The following CDH12 variants were observed in gnomAD, a reference collection of about 807,000 sequenced individuals.
CDH12 encodes cadherin 12.
In CDH12, 41 loss-of-function variants were observed where a neutral mutation model predicts 74.1. That is an observed-to-expected ratio of 0.55 (90% CI 0.43 to 0.72). The LOEUF (loss-of-function observed/expected upper bound fraction) is 0.72. Ranked by LOEUF, CDH12 falls within the 30% of genes least tolerant of loss-of-function variation. The pLI, the probability that CDH12 is intolerant of heterozygous loss-of-function variation, is 0.00. For synonymous variants in CDH12, 399 were observed against 355.0 expected, an observed-to-expected ratio of 1.12 and a Z score of -1.39; for missense variants, 945 against 977.2, an observed-to-expected ratio of 0.97 and a Z score of 0.44.
intron 1 of CDH12, among the ~76,000 whole-genome samples, chr5:22,850,912 T>A (rs1202480537): frequency 6.6e-6 from 1 of 151,980 alleles, no homozygotes. Flanking sequence ...GAGGCAAGAG[T>A]GACATATATC....
intron 1 of CDH12, among the ~76,000 whole-genome samples, chr5:22,612,303 T>C (rs1448119832): frequency 6.6e-6 from 1 of 152,148 alleles, no homozygotes; most frequent in Non-Finnish European, 1.5e-5. Flanking sequence ...TCTTAGGTAG[T>C]GTAAACATGT....
At chr5:22,162,922 A>G (rs1748450466) in intron 4 of CDH12, among the ~76,000 whole-genome samples, 1 of 117,592 alleles carries the variant, frequency 8.5e-6, no homozygotes. Context: ...TTTGAGACAG[A>G]GTCTCGCTCT....
At chr5:21,889,852 T>C in intron 6 of CDH12, 1 of 985,320 alleles carries the variant, frequency 1.0e-6, no homozygotes, top group Non-Finnish European at 1.2e-6. Context: ...CTCTTTGTGT[T>C]AGCATCAGAG....
chr5:22,338,308 A>G (rs1336810392), intron 3 of CDH12, among the ~76,000 whole-genome samples: 1 of 152,180 alleles, frequency 6.6e-6, no homozygotes, highest in Non-Finnish European at 1.5e-5. Context: ...TATTAGGTGA[A>G]ATAAGCTGGT....
At chr5:22,132,860 C>A (rs1157725528) in intron 4 of CDH12, among the ~76,000 whole-genome samples, 4 of 152,162 alleles carry the variant, frequency 2.6e-5, no homozygotes, top group African/African-American at 7.2e-5. Flanking sequence ...CTAACTGAAC[C>A]AAATTCCAAG....
chr5:22,776,777 C>A (rs914438896), intron 1 of CDH12, among the ~76,000 whole-genome samples: 2 of 149,476 alleles, frequency 1.3e-5, no homozygotes, highest in Non-Finnish European at 3.0e-5. Context: ...CAGAATGGTT[C>A]TTTCTTTATT....
At chr5:22,457,924 T>C (rs950848082) in intron 2 of CDH12, among the ~76,000 whole-genome samples, 2 of 152,102 alleles carry the variant, frequency 1.3e-5, no homozygotes, top group African/African-American at 4.8e-5. Context: ...TTTGTAATTT[T>C]AGTAAAGACG....
chr5:21,986,870 T>C (rs1049576083), intron 5 of CDH12, among the ~76,000 whole-genome samples: 4 of 152,124 alleles, frequency 2.6e-5, no homozygotes, highest in Non-Finnish European at 4.4e-5. Context: ...AAATGCCTTA[T>C]AAGTTTTATT....
Position 21,842,142 on chromosome 5 carries a change from A to G in CDH12, c.814+19T>C, listed in dbSNP as rs1749900724. 1 of 1,590,424 alleles carries G rather than the reference A, an allele frequency of 6.3e-7. No individual in the cohort carries two copies. Among genetic ancestry groups the G allele is most frequent in the Non-Finnish European group, 8.6e-7 (1 of 1,168,286 alleles). On this transcript the variant is annotated intron_variant, in intron 8 of 14. Transcript: ENST00000382254. Reference sequence around the variant, plus strand: ...TTTTAAACCGCAATAATTTAGGCTTAACAGGAAAGGTGACATACTTTTGGG... The same window carrying G: ...TTTTAAACCGCAATAATTTAGGCTTGACAGGAAAGGTGACATACTTTTGGG...
intron 2 of CDH12, among the ~76,000 whole-genome samples, chr5:22,494,664 G>T (rs1747028224): frequency 6.6e-6 from 1 of 152,198 alleles, no homozygotes; most frequent in Non-Finnish European, 1.5e-5. Flanking sequence ...GAATAAAGCT[G>T]CAGTTTCCAA....
chr5:21,954,477 C>CT (rs1756005507), intron 6 of CDH12, among the ~76,000 whole-genome samples: 1 of 152,066 alleles, frequency 6.6e-6, no homozygotes, highest in Non-Finnish European at 1.5e-5. Context: ...CCCATCCTGA[C>CT]TTTATTCTTT....
At chr5:21,915,706 T>C (rs1754054305) in intron 6 of CDH12, among the ~76,000 whole-genome samples, 1 of 151,582 alleles carries the variant, frequency 6.6e-6, no homozygotes, top group South Asian at 2.1e-4. Flanking sequence ...ATGGGGAAAA[T>C]GAGTAATGGT....
chr5:22,067,637 G>A (rs1245313261), intron 5 of CDH12, among the ~76,000 whole-genome samples: 2 of 152,170 alleles, frequency 1.3e-5, no homozygotes, highest in African/African-American at 4.8e-5. Context: ...AGATAGGGAT[G>A]CTGTGTGGCA....
intron 5 of CDH12, among the ~76,000 whole-genome samples, chr5:22,006,355 G>A (rs1736959826): frequency 4.6e-5 from 7 of 151,242 alleles, no homozygotes; most frequent in Admixed American, 4.0e-4. Flanking sequence ...TGCTTTCTCG[G>A]GTAATTTCAT....
intron 1 of CDH12, among the ~76,000 whole-genome samples, chr5:22,831,275 T>C (rs1334087686): frequency 6.6e-6 from 1 of 151,932 alleles, no homozygotes; most frequent in East Asian, 1.9e-4. Flanking sequence ...AATATAAATG[T>C]GAATTAGTGA....
chr5:22,666,643 C>T (rs1419479547), intron 1 of CDH12, among the ~76,000 whole-genome samples: 1 of 152,064 alleles, frequency 6.6e-6, no homozygotes, highest in Admixed American at 6.6e-5. Context: ...TTTTAATTAA[C>T]CTACTGCAAG....
At chr5:21,885,075 T>TGG (rs1253815695) in intron 6 of CDH12, among the ~76,000 whole-genome samples, 1 of 151,954 alleles carries the variant, frequency 6.6e-6, no homozygotes, top group East Asian at 1.9e-4. Context: ...TTAGTAGAGA[T>TGG]GGGGTTTCTC....
chr5:22,268,099 T>C (rs1030659003), intron 3 of CDH12, among the ~76,000 whole-genome samples: 2 of 152,028 alleles, frequency 1.3e-5, no homozygotes, highest in Non-Finnish European at 2.9e-5. Context: ...ATGGGGAGCG[T>C]GTGTGAGGTA....
intron 1 of CDH12, among the ~76,000 whole-genome samples, chr5:22,769,131 G>A (rs1258798131): frequency 2.6e-5 from 4 of 152,072 alleles, no homozygotes; most frequent in African/African-American, 9.7e-5. Flanking sequence ...ATTGAGGGAT[G>A]CCTAGATTGC....
Sources: allele counts gnomAD v4.1 joint callset (sites outside exome capture counted in the v4.1 genomes callset), GRCh38; gene constraint gnomAD v4.1.1; transcripts MANE v1.5; gene names NCBI Gene and HGNC (gene_info 2026-07-23, HGNC 2026-07-21).